CHD4: variants seen among roughly 807,000 people sequenced by gnomAD.
The protein encoded by CHD4 is ATP-dependent chromatin remodeler CHD4.
A neutral mutation model predicts 235.5 loss-of-function variants in CHD4; 35 were observed. The observed-to-expected ratio is 0.15, with a 90% CI of 0.11 to 0.20. The LOEUF (loss-of-function observed/expected upper bound fraction) is 0.20, where lower values mean the gene tolerates loss of function less well. Ranked by LOEUF, CHD4 falls within the 10% of genes least tolerant of loss-of-function variation. The pLI, the probability that CHD4 is intolerant of heterozygous loss-of-function variation, is 1.00. For synonymous variants in CHD4, 900 were observed against 850.2 expected, an observed-to-expected ratio of 1.06 and a Z score of -1.02; for missense variants, 1,329 against 2,432.3, an observed-to-expected ratio of 0.55 and a Z score of 9.54.
At position 6,593,694 on chromosome 12, in the gene CHD4, C is replaced by T; in HGVS notation, c.2314-78G>A. On this transcript the variant is annotated intron_variant, in intron 15 of 39. Transcript: ENST00000544040. This position sits in a 1 kb window ranked among gnomAD's most constrained non-coding sequence, Gnocchi z 4.9. ...CCAGCGAACACCCACCACCCTGCTG[C>T]CCCCTCAAGCTGAGCCAAGGACTGA... 1 of 1,322,284 alleles carries T rather than the reference C, an allele frequency of 7.6e-7. No individual in the cohort carries two copies. Among genetic ancestry groups the T allele is most frequent in the Non-Finnish European group, 1.1e-6 (1 of 939,618 alleles). The allele number at this position is 1,322,284 out of a possible 1,614,324, so 81.9% of individuals were successfully genotyped here.
In CHD4 at chr12:6,570,747, T is replaced by TCTCAA. The variant is rs1947951400; in HGVS notation, c.5722-59_5722-55dup. ...TTCCAGATGATAGGAATCCACCCAATCTCAAGGGAATTCACTGATAGGCCA... is the reference window on the plus strand; with the variant it reads ...TTCCAGATGATAGGAATCCACCCAATCTCAACTCAAGGGAATTCACTGATAGGCCA... On this transcript the variant is annotated intron_variant, in intron 39 of 39. Coordinates refer to ENST00000544040, the MANE Select transcript of CHD4 (RefSeq NM_001273.5). 32 of 1,613,298 alleles carry TCTCAA rather than the reference T, an allele frequency of 2.0e-5. No homozygotes were observed. In the South Asian group the frequency reaches 3.2e-4, roughly 16 times the overall value.
rs745745173 is a variant in CHD4 at position 6,587,969 on chromosome 12, A to G, written c.3466-20T>C. ...AAAGGCCTGGAGTTGAACAGGAAAT[A>G]AAGCCAGAAATTGTATTTTCCTGGT... On this transcript the variant is annotated intron_variant, in intron 23 of 39. Coordinates refer to ENST00000544040, the MANE Select transcript of CHD4 (RefSeq NM_001273.5). 2 of 1,603,818 alleles carry G rather than the reference A, an allele frequency of 1.2e-6. No individual in the cohort carries two copies. The highest frequency in any genetic ancestry group is 1.1e-5 in the South Asian group (1 of 90,906).
At position 6,591,761 on chromosome 12, in the gene CHD4, A is replaced by G. The variant is rs1272393961; in HGVS notation, c.3155T>C (p.Leu1052Ser). 1.2e-6 allele frequency: 2 copies of G among 1,614,198 alleles called. No individual in the cohort carries two copies. The highest frequency in any genetic ancestry group is 1.1e-5 in the South Asian group (1 of 91,088). The change falls in exon 21 of 40, where the codon TTA (leucine) becomes TCA (serine). Residue 1052 changes from leucine (L) to serine (S), a missense_variant. Physicochemically the swap from Leu to Ser is moderately radical, Grantham distance 145 (BLOSUM62 -2). This residue lies in a region of CHD4 where 39 missense variants were observed against 83.8 expected (regional missense o/e 0.47). Transcript: ENST00000544040. ...CTTGAGCATTTTCTGCAGCAGCAAT[A>G]ATTTCCCAGATGCTCTGATTAGGGC... ...GSALIRASGK[L>S]LLLQKMLKNL...
intron 37 of CHD4, among the ~76,000 whole-genome samples, chr12:6,574,079 C>T (rs977547962): frequency 2.0e-5 from 3 of 152,064 alleles, no homozygotes; most frequent in African/African-American, 4.8e-5. Context: ...TTCCTCTTAT[C>T]GCCATCTCAC....
chr12:6,605,158 A>C (rs1032264486), intron 2 of CHD4, among the ~76,000 whole-genome samples: 1 of 152,312 alleles, frequency 6.6e-6, no homozygotes, highest in East Asian at 1.9e-4. Context: ...GACCACCTCA[A>C]CTTCCACTGA....
intron 25 of CHD4, 91 bp downstream of exon 25, chr12:6,587,293 T>G (rs1384049116): frequency 7.5e-7 from 1 of 1,337,358 alleles, no homozygotes; most frequent in Non-Finnish European, 1.0e-6. Context: ...TGCCTACAGA[T>G]ATTTTCCACT....
At chr12:6,592,319 G>T (rs892777752) in intron 19 of CHD4, 74 bp downstream of exon 19, 1 of 1,503,924 alleles carries the variant, frequency 6.6e-7, no homozygotes, top group Non-Finnish European at 8.9e-7. Flanking sequence ...GAAGCTGAGT[G>T]GGGGAGGAAT....
chr12:6,574,920 A>G (rs572486417), intron 37 of CHD4, among the ~76,000 whole-genome samples: 19 of 152,376 alleles, frequency 1.2e-4, no homozygotes, highest in Non-Finnish European at 1.9e-4. Context: ...TCAAGAGCTA[A>G]GAATGGGTTT....
At chr12:6,576,858 T>C (rs1312188284) in intron 37 of CHD4, among the ~76,000 whole-genome samples, 4 of 152,192 alleles carry the variant, frequency 2.6e-5, no homozygotes, top group South Asian at 2.1e-4. Context: ...GGGCACATCA[T>C]TGCTTAGTAC....
intron 25 of CHD4, chr12:6,584,484 C>T (rs1352438984): frequency 6.6e-6 from 1 of 152,066 alleles, no homozygotes; most frequent in Non-Finnish European, 1.5e-5. Context: ...ACTGCAGCCT[C>T]GACTGCCAAG....
chr12:6,570,616 G>C lies in CHD4; in HGVS notation c.*60C>G, dbSNP rs1947947737. ...TCTCAGGCCCCCAGGGGAGAAGCTG[G>C]GACAAGAGAAAGTGAGGAAGGTCAC... On this transcript the variant is annotated 3_prime_UTR_variant, in exon 40 of 40. Transcript: ENST00000544040. 1.9e-6 allele frequency: 3 copies of C among 1,609,610 alleles called. No individual in the cohort carries two copies. Among genetic ancestry groups the C allele is most frequent in the East Asian group, 2.2e-5 (1 of 44,870 alleles).
Position 6,606,377 on chromosome 12 carries a change from C to T in CHD4, c.-4G>A. On this transcript the variant is annotated 5_prime_UTR_variant, in exon 2 of 40. Coordinates refer to ENST00000544040, the MANE Select transcript of CHD4 (RefSeq NM_001273.5). ...GGGAGCCCAGGCCCGACGCCATCCC[C>T]TTCCGCTCCCGGCCAGGGAATTGGC... 6.4e-7 allele frequency: 1 copy of T among 1,568,242 alleles called. No individual in the cohort carries two copies.
rs377736412 is a variant in CHD4 at position 6,592,757 on chromosome 12, A to G, written c.2713T>C (p.Leu905=). Residue 905 remains leucine (L), a synonymous_variant, in exon 18 of 40, where the codon TTA becomes CTA. Transcript: ENST00000544040. ...QHKLLLTGTP[L]QNNLEELFHL... ...AACAACTCTTCCAGATTGTTTTGTA[A>G]TGGTGTCCCAGTCAGCAACAGCTTG... 166 of 1,613,986 alleles carry G rather than the reference A, an allele frequency of 1.0e-4. No homozygotes were observed. The highest frequency in any genetic ancestry group is 1.4e-4 in the Non-Finnish European group (162 of 1,180,028).
chr12:6,606,468 G>T lies in CHD4; in HGVS notation c.-78-17C>A. ...CCCGAGTCACTGTGCGGGGGAGGGG[G>T]GAGAAACACAGAACAGTCAGTGACG... On this transcript the variant is annotated splice_polypyrimidine_tract_variant and intron_variant, in intron 1 of 39. Coordinates refer to ENST00000544040, the MANE Select transcript of CHD4 (RefSeq NM_001273.5). 1.5e-6 allele frequency: 1 copy of T among 653,036 alleles called. No individual in the cohort carries two copies. Among genetic ancestry groups the T allele is most frequent in the Non-Finnish European group, 2.6e-6 (1 of 386,128 alleles). The allele number at this position is 653,036 out of a possible 1,614,324, so 40.5% of individuals were successfully genotyped here.
chr12:6,578,333 T>A, intron 35 of CHD4, 76 bp downstream of exon 35: 1 of 1,542,922 alleles, frequency 6.5e-7, no homozygotes. Context: ...GTAAAGTCCC[T>A]GTACCGTGGT....
rs2136208730 is a variant in CHD4 at position 6,587,496 on chromosome 12, C to T, written c.3767G>A (p.Arg1256Gln). 3 of 1,614,156 alleles carry T rather than the reference C, an allele frequency of 1.9e-6. No homozygotes were observed. The highest frequency in any genetic ancestry group is 2.5e-6 in the Non-Finnish European group (3 of 1,180,024). The part of the protein sequence containing the change: ...VIHYDDKAIE[R>Q]LLDRNQDETE... ...CTCATCCTGGTTACGGTCTAGCAGCCGTTCAATGGCCTTATCATCGTAGTG... is the reference window on the plus strand; with the variant it reads ...CTCATCCTGGTTACGGTCTAGCAGCTGTTCAATGGCCTTATCATCGTAGTG... Residue 1256 changes from arginine (R) to glutamine (Q), a missense_variant, in exon 25 of 40, where the codon CGG (arginine) becomes CAG (glutamine). By Grantham distance (43) the Arg-to-Gln change is conservative (BLOSUM62 1). Transcript: ENST00000544040.
chr12:6,573,410 C>G, intron 37 of CHD4, 141 bp from the exon 38 acceptor site: 1 of 552,750 alleles, frequency 1.8e-6, no homozygotes, highest in Non-Finnish European at 2.9e-6. Flanking sequence ...CATTCCCACA[C>G]CCAAGTAGTT....
chr12:6,599,626 G>A (rs747915525), intron 10 of CHD4, 147 bp downstream of exon 10: 37 of 995,020 alleles, frequency 3.7e-5, no homozygotes, highest in South Asian at 1.4e-4. Flanking sequence ...CAGGACAAAA[G>A]TATCCCAACA....
At chr12:6,591,860 A>G (rs368239388) in intron 20 of CHD4, 35 bp from the exon 21 acceptor site, 66 of 1,613,656 alleles carry the variant, frequency 4.1e-5, no homozygotes, top group Middle Eastern at 1.6e-4. Flanking sequence ...GTATTAAAAG[A>G]AAGCCCACAT....
Sources: allele counts gnomAD v4.1 joint callset (sites outside exome capture counted in the v4.1 genomes callset), GRCh38; gene constraint gnomAD v4.1.1; regional missense constraint gnomAD v4.1.1; non-coding constraint Gnocchi (gnomAD v3.1); transcripts MANE v1.5; gene names NCBI Gene and HGNC (gene_info 2026-07-23, HGNC 2026-07-21).